PDGFA: variants seen among roughly 807,000 people sequenced by gnomAD.
PDGFA encodes platelet derived growth factor subunit A, also known as platelet-derived growth factor subunit A.
A neutral mutation model predicts 25.6 loss-of-function variants in PDGFA; 9 were observed. The ratio of observed to expected loss-of-function variants is 0.35; its 90% confidence interval spans 0.21 to 0.61. The LOEUF is 0.61. PDGFA is among the 20% of genes least tolerant of loss of function. The pLI is 0.75. For missense variants in PDGFA, 242 were observed against 272.8 expected (o/e 0.89, Z 0.79); for synonymous variants, 133 against 111.8 (o/e 1.19, Z -1.20).
upstream of PDGFA, chr7:520,274 C>T (rs868380970): frequency 2.1e-5 from 4 of 190,220 alleles, no homozygotes; most frequent in Middle Eastern, 2.3e-3. Flanking sequence ...CCGGTCCCCG[C>T]CCCCGCCCCG....
At chr7:511,117 C>T (rs1297873450) in intron 3 of PDGFA, 121 bp from the exon 4 acceptor site, 3 of 744,604 alleles carry the variant, frequency 4.0e-6, no homozygotes, top group Admixed American at 4.7e-5. Flanking sequence ...GCCAGGATTC[C>T]TCCCAGGCAG....
chr7:497,843 G>A (rs1181588503), exon 6 of PDGFA: 2 of 111,692 alleles, frequency 1.8e-5, no homozygotes, highest in African/African-American at 6.9e-5. Context: ...GTGTGTTATC[G>A]GTGTAAATGT....
chr7:498,989 G>A (rs1031817198), intron 5 of PDGFA, among the ~76,000 whole-genome samples: 2 of 152,228 alleles, frequency 1.3e-5, no homozygotes, highest in Admixed American at 1.3e-4. Context: ...AGACAGAAGA[G>A]TCTGCACCCA....
intron 4 of PDGFA, among the ~76,000 whole-genome samples, chr7:506,605 C>A (rs887207848): frequency 6.6e-6 from 1 of 152,214 alleles, no homozygotes; most frequent in South Asian, 2.1e-4. Context: ...CCAGGCTAGA[C>A]CCCTGCAGTC....
In PDGFA at chr7:500,453, TTTTAACCTTTTTC is replaced by T; in HGVS notation, c.580+650_580+662del. On this transcript the variant is annotated intron_variant, in intron 5 of 5. Coordinates refer to ENST00000402802, the Ensembl canonical transcript of PDGFA. The surrounding 1 kb of genome is among the most constrained non-coding windows in gnomAD (Gnocchi z 5.0). ...TACCTGGTTGGCTGCTTTAGGTGGGTTTTAACCTTTTTCTTTTCCGTTTTTTACCTGACTCCCT... is the reference window on the plus strand; with the variant it reads ...TACCTGGTTGGCTGCTTTAGGTGGGTTTTTCCGTTTTTTACCTGACTCCCT... 6.2e-7 allele frequency: 1 copy of T among 1,613,802 alleles called. No homozygotes were observed. The highest frequency in any genetic ancestry group is 2.2e-5 in the East Asian group (1 of 44,866).
chr7:513,726 G>A (rs578163881), intron 2 of PDGFA, among the ~76,000 whole-genome samples: 15 of 152,224 alleles, frequency 9.9e-5, no homozygotes, highest in Non-Finnish European at 1.3e-4. Context: ...CGAGGCATCC[G>A]TGACTATCCA....
chr7:511,252 GGGA>G, intron 3 of PDGFA, among the ~76,000 whole-genome samples: 1 of 145,592 alleles, frequency 6.9e-6, no homozygotes, highest in South Asian at 2.3e-4. Context: ...TGGCTCGGAG[GGGA>G]GGGGAACTTA....
In PDGFA at chr7:510,782, G is replaced by GGGAGAGGAGA. The variant is rs1562489637; in HGVS notation, c.453+26_453+27insTCTCCTCTCC. On this transcript the variant is annotated intron_variant, in intron 4 of 5. Coordinates refer to ENST00000402802, the Ensembl canonical transcript of PDGFA. ...GGGAGAGGAGAGGAGGGGAGGGGAG[G>GGGAGAGGAGA]GGAGGGGAGGGGAGGGGAGGGCTCA... 3.0e-5 allele frequency: 26 copies of GGGAGAGGAGA among 858,446 alleles called. 1 individual carries two copies. The highest frequency in any genetic ancestry group is 7.9e-5 in the East Asian group (2 of 25,460). 53.2% of individuals were successfully genotyped at this position (858,446 alleles called of 1,614,324 possible).
intron 3 of PDGFA, 53 bp downstream of exon 3, chr7:512,298 T>C: frequency 1.3e-6 from 2 of 1,489,400 alleles, no homozygotes; most frequent in South Asian, 2.5e-5. Flanking sequence ...CGCGGCCTCC[T>C]GGACTCACCC....
chr7:502,768 T>TCCCA (rs1554273864), intron 4 of PDGFA, among the ~76,000 whole-genome samples: 1 of 126,034 alleles, frequency 7.9e-6, no homozygotes, highest in Non-Finnish European at 1.7e-5. Flanking sequence ...AGGCAAGAAA[T>TCCCA]CACACACACA....
At chr7:498,324 C>G in exon 6 of PDGFA, 1 of 527,864 alleles carries the variant, frequency 1.9e-6, no homozygotes, top group Non-Finnish European at 3.3e-6. Flanking sequence ...CTCTCTCTTT[C>G]TCTCTCTCTC....
intron 2 of PDGFA, chr7:512,962 C>A (rs1189370558): frequency 4.4e-6 from 1 of 226,882 alleles, no homozygotes; most frequent in Admixed American, 5.0e-5. Flanking sequence ...CTCCCTCCCC[C>A]TCACTAAAGC....
chr7:500,475 T>C lies in PDGFA; in HGVS notation c.580+641A>G. The C allele has an allele frequency of 1.2e-6, 2 of 1,613,984 alleles. No homozygotes were observed. Among genetic ancestry groups the C allele is most frequent in the South Asian group, 2.2e-5 (2 of 91,066 alleles). On this transcript the variant is annotated intron_variant, in intron 5 of 5. Coordinates refer to ENST00000402802, the Ensembl canonical transcript of PDGFA. The surrounding 1 kb of genome is among the most constrained non-coding windows in gnomAD (Gnocchi z 5.0). ...GGGTTTTAACCTTTTTCTTTTCCGT[T>C]TTTTACCTGACTCCCTAGGCCTTCC...
rs1182464939 is a variant in PDGFA at position 512,008 on chromosome 7, C to T, written c.265+343G>A. The stretch of plus-strand genomic sequence containing the variant: ...TGGAAATTAGGCGCGACCACGTTTC[C>T]GGCAAGGCTCCTGGGGACAGGCCCC... On this transcript the variant is annotated intron_variant, in intron 3 of 5. Transcript: ENST00000402802. Among the ~76,000 whole-genome samples the T allele has an allele frequency of 2.0e-5, 3 of 152,330 alleles. No individual in the cohort carries two copies. In the South Asian group the frequency reaches 6.2e-4, roughly 32 times the overall value.
intron 4 of PDGFA, among the ~76,000 whole-genome samples, chr7:504,909 G>T (rs1243489006): frequency 1.3e-5 from 2 of 152,194 alleles, no homozygotes; most frequent in Non-Finnish European, 2.9e-5. Flanking sequence ...GGGCTCCCAG[G>T]ACACAACAGA....
rs137942889 is a variant in PDGFA, at chr7:503,533, G to T, written c.454-2291C>A. On this transcript the variant is annotated intron_variant, in intron 4 of 5. Coordinates refer to ENST00000402802, the Ensembl canonical transcript of PDGFA. ...GGCAGTCAGGAGGGTGAAGGAGGGAGGAGGGGAATGTTTCCCAACCTTCTT... is the reference window on the plus strand; with the variant it reads ...GGCAGTCAGGAGGGTGAAGGAGGGATGAGGGGAATGTTTCCCAACCTTCTT... Among the ~76,000 whole-genome samples the T allele has an allele frequency of 2.9e-3, 435 of 152,276 alleles. 2 individuals are homozygous for T. The highest frequency in any genetic ancestry group is 9.9e-3 in the African/African-American group (410 of 41,548).
intron 4 of PDGFA, among the ~76,000 whole-genome samples, chr7:503,010 C>T (rs923066288): frequency 3.3e-5 from 5 of 152,094 alleles, no homozygotes; most frequent in Admixed American, 2.6e-4. Context: ...ATCAACAGAC[C>T]CCTAATACAC....
At chr7:498,711 A>T (rs12720025) in intron 5 of PDGFA, 137 bp from the exon 6 acceptor site, 284,307 of 819,124 alleles carry the variant, frequency 0.35, 51,716 homozygotes, top group Middle Eastern at 0.47. Flanking sequence ...CAAGTTTTCA[A>T]GAAATTTCCA....
intron 1 of PDGFA, 29 bp downstream of exon 1, chr7:518,910 C>T (rs769777459): frequency 3.4e-6 from 5 of 1,479,768 alleles, no homozygotes; most frequent in Non-Finnish European, 4.5e-6. Context: ...GGAGCCGGCG[C>T]AGGGACGGGG....
Sources: allele counts gnomAD v4.1 joint callset (sites outside exome capture counted in the v4.1 genomes callset), GRCh38; gene constraint gnomAD v4.1.1; non-coding constraint Gnocchi (gnomAD v3.1); transcripts MANE v1.5; gene names NCBI Gene and HGNC (gene_info 2026-07-23, HGNC 2026-07-21).